RARB: variants seen among roughly 807,000 people sequenced by gnomAD.
RARB encodes HBV-activated protein.
RARB carries 17 observed loss-of-function variants against 51.9 expected under a neutral mutation model. The ratio of observed to expected loss-of-function variants is 0.33; its 90% CI spans 0.22 to 0.49. The LOEUF (loss-of-function observed/expected upper bound fraction) is 0.49. RARB is among the 20% of genes least tolerant of loss of function. RARB has a pLI of 0.99. For missense variants in RARB, 369 were observed against 550.8 expected, an observed-to-expected ratio of 0.67 and a Z score of 3.30; for synonymous variants, 215 against 195.4, an observed-to-expected ratio of 1.10 and a Z score of -0.84.
chr3:24,929,179 C>G (rs904378985), intron 2 of RARB, among the ~76,000 whole-genome samples: 16 of 151,906 alleles, frequency 1.1e-4, no homozygotes. Flanking sequence ...ATAAAGGGAA[C>G]GTATTTTCAA....
chr3:25,038,176 G>A (rs1362324815), intron 2 of RARB, among the ~76,000 whole-genome samples: 1 of 151,996 alleles, frequency 6.6e-6, no homozygotes, highest in African/African-American at 2.4e-5. Context: ...TACATCTCTG[G>A]GCCTCAGTTT....
At chr3:25,367,619 C>A (rs1467965501) in intron 5 of RARB, among the ~76,000 whole-genome samples, 1 of 149,060 alleles carries the variant, frequency 6.7e-6, no homozygotes, top group African/African-American at 2.5e-5. Context: ...AGTTCGAGAC[C>A]AGCCTAAGCA....
At chr3:25,234,587 G>A (rs1475815386) in intron 5 of RARB, among the ~76,000 whole-genome samples, 1 of 151,980 alleles carries the variant, frequency 6.6e-6, no homozygotes, top group Non-Finnish European at 1.5e-5. Flanking sequence ...CCTGGAACCT[G>A]TGTCAATTTA....
chr3:25,561,921 C>A (rs1403525231), intron 3 of RARB, among the ~76,000 whole-genome samples: 1 of 152,144 alleles, frequency 6.6e-6, no homozygotes, highest in African/African-American at 2.4e-5. Flanking sequence ...TGCCCTCCTG[C>A]CCTTCATCAG....
chr3:25,178,793 G>C (rs902028472), intron 5 of RARB, among the ~76,000 whole-genome samples: 1 of 152,184 alleles, frequency 6.6e-6, no homozygotes, highest in Non-Finnish European at 1.5e-5. Context: ...AACAGGAGAA[G>C]AGCCTGATAT....
intron 2 of RARB, among the ~76,000 whole-genome samples, chr3:24,943,812 C>T (rs1559405914): frequency 6.6e-6 from 1 of 152,146 alleles, no homozygotes; most frequent in Non-Finnish European, 1.5e-5. Context: ...GTCTTCTGTG[C>T]ATTTGAAAAC....
chr3:25,271,192 T>A (rs1037010200), intron 5 of RARB, among the ~76,000 whole-genome samples: 1 of 152,186 alleles, frequency 6.6e-6, no homozygotes, highest in Non-Finnish European at 1.5e-5. Context: ...TCCCCTCAAT[T>A]TTTATTAGTA....
At chr3:25,509,204 A>C (rs1168541292) in intron 3 of RARB, among the ~76,000 whole-genome samples, 1 of 152,172 alleles carries the variant, frequency 6.6e-6, no homozygotes, top group Non-Finnish European at 1.5e-5. Flanking sequence ...CACATGGCAA[A>C]ATTTTGCTTC....
chr3:25,015,569 C>T (rs562051043), intron 2 of RARB, among the ~76,000 whole-genome samples: 7 of 152,140 alleles, frequency 4.6e-5, no homozygotes, highest in Non-Finnish European at 7.3e-5. Context: ...CAAACTGATA[C>T]AAAGGATTTC....
intron 1 of RARB, among the ~76,000 whole-genome samples, chr3:25,445,462 C>G (rs987282782): frequency 7.2e-5 from 11 of 152,018 alleles, no homozygotes; most frequent in Non-Finnish European, 1.6e-4. Context: ...GTCAGGAGTT[C>G]AAGACCAGCC....
At position 25,597,594 on chromosome 3, in the gene RARB, T is replaced by A. The variant is rs1056390486; in HGVS notation, c.*978T>A. 2 of 152,476 alleles carry A rather than the reference T, an allele frequency of 1.3e-5. No individual in the cohort carries two copies. Among genetic ancestry groups the A allele is most frequent in the African/African-American group, 4.8e-5 (2 of 41,392 alleles). 9.4% of individuals were successfully genotyped at this position (152,476 alleles called of 1,614,324 possible). On this transcript the variant is annotated 3_prime_UTR_variant, in exon 8 of 8. Transcript: ENST00000330688. ...CCTGATTCATGCCTGATATTGGGAT[T>A]TTTTTTTCCAGCCTTCTTGATGCCA...
intron 5 of RARB, among the ~76,000 whole-genome samples, chr3:25,371,639 C>T (rs533809112): frequency 5.9e-5 from 9 of 152,334 alleles, no homozygotes; most frequent in South Asian, 2.1e-4. Flanking sequence ...AATAAACGCT[C>T]GCCCTGGGGC....
At chr3:25,342,057 T>G (rs950212906) in intron 5 of RARB, among the ~76,000 whole-genome samples, 1 of 152,170 alleles carries the variant, frequency 6.6e-6, no homozygotes, top group African/African-American at 2.4e-5. Context: ...GCTTGACACA[T>G]AGTAGATCCT....
At chr3:25,061,834 T>C (rs1559451823) in intron 3 of RARB, among the ~76,000 whole-genome samples, 3 of 151,838 alleles carry the variant, frequency 2.0e-5, no homozygotes, top group Middle Eastern at 6.8e-3. Flanking sequence ...ATATGAATTT[T>C]TGAAAAAAGA....
intron 5 of RARB, among the ~76,000 whole-genome samples, chr3:25,259,310 G>T (rs951014863): frequency 6.6e-6 from 1 of 152,074 alleles, no homozygotes; most frequent in African/African-American, 2.4e-5. Context: ...TTTGGATGTA[G>T]CCATGTGTCT....
At chr3:25,116,180 C>A (rs1699684369) in intron 3 of RARB, among the ~76,000 whole-genome samples, 1 of 152,150 alleles carries the variant, frequency 6.6e-6, no homozygotes, top group Non-Finnish European at 1.5e-5. Context: ...GCACAGAACC[C>A]AGGAATGGAA....
rs550221809 is a variant in RARB, at chr3:25,357,916, T to C, written c.179-103277T>C. On this transcript the variant is annotated intron_variant, in intron 5 of 11. Transcript: ENST00000383772. ...TGCTGTTTCAGTTACTGTAGCCTTG[T>C]AGTATAGTTTGAAGTCAGGTAGCAT... 5.3e-5 allele frequency among the ~76,000 whole-genome samples: 8 copies of C among 152,326 alleles called. No homozygotes were observed. The South Asian group carries it at 6.2e-4, about 12-fold the overall frequency.
intron 3 of RARB, among the ~76,000 whole-genome samples, chr3:25,565,599 A>T (rs530868519): frequency 6.6e-6 from 1 of 152,098 alleles, no homozygotes; most frequent in Non-Finnish European, 1.5e-5. Context: ...GAACAAAACA[A>T]TGAAGGAACA....
intron 5 of RARB, among the ~76,000 whole-genome samples, chr3:25,249,956 G>T (rs1464185309): frequency 1.3e-4 from 20 of 152,206 alleles, no homozygotes. Flanking sequence ...GCTTTCTCTG[G>T]TGCTGATAGT....
Sources: gnomAD v4.1 joint callset for allele counts (sites outside exome capture counted in the v4.1 genomes callset) on GRCh38, gnomAD v4.1.1 for gene constraint, MANE v1.5 for transcripts, NCBI Gene and HGNC (gene_info 2026-07-23, HGNC 2026-07-21) for gene names.